Variants in COX10 observed in about 807,000 individuals in gnomAD.
The protein encoded by COX10 is cytochrome c oxidase assembly factor heme A:farnesyltransferase COX10, also known as protoheme IX farnesyltransferase, mitochondrial.
In COX10, 27 loss-of-function variants were observed where a neutral mutation model predicts 37.3. The ratio of observed to expected loss-of-function variants is 0.72; its 90% CI spans 0.53 to 1.00. The LOEUF (loss-of-function observed/expected upper bound fraction) is 1.00, where lower values mean the gene tolerates loss of function less well. Ranked by LOEUF, COX10 falls within the 50% of genes least tolerant of loss-of-function variation. The probability of loss-of-function intolerance (pLI) is 0.00; values close to 1 mark genes in which losing one functional copy is unlikely to be tolerated. For missense variants in COX10, 475 were observed against 563.2 expected, an observed-to-expected ratio of 0.84 and a Z score of 1.59; for synonymous variants, 222 against 229.1, an observed-to-expected ratio of 0.97 and a Z score of 0.28.
At chr17:14,104,528 A>G (rs1186628523) in intron 4 of COX10, among the ~76,000 whole-genome samples, 1 of 152,184 alleles carries the variant, frequency 6.6e-6, no homozygotes, top group Admixed American at 6.6e-5. Context: ...TGTTCAAATT[A>G]AAAATACATA....
In COX10 at chr17:14,074,222, G is replaced by A. The variant is rs924857116; in HGVS notation, c.44-101G>A. ...GCTCTGACCCATCACACAGTGTAGCGCTTACCTTAGTGGCTGGCTTTGCTT... is the reference window on the plus strand; with the variant it reads ...GCTCTGACCCATCACACAGTGTAGCACTTACCTTAGTGGCTGGCTTTGCTT... On this transcript the variant is annotated intron_variant, in intron 1 of 6. Transcript: ENST00000261643. 37 of 1,284,530 alleles carry A rather than the reference G, an allele frequency of 2.9e-5. No individual in the cohort carries two copies. The African/African-American group carries it at 4.2e-4, about 15-fold the overall frequency. 79.6% of individuals were successfully genotyped at this position (1,284,530 alleles called of 1,614,324 possible). A position where few individuals can be genotyped will look rare whatever the true frequency, so the allele number is the denominator to read the frequency against.
At chr17:14,139,970 C>T (rs1904489322) in intron 4 of COX10, among the ~76,000 whole-genome samples, 1 of 152,150 alleles carries the variant, frequency 6.6e-6, no homozygotes, top group African/African-American at 2.4e-5. Context: ...TCTGATAGGG[C>T]TTCTCTTGTA....
Position 14,159,964 on chromosome 17 carries a change from AAGTGTCTTCCAC to A in COX10, c.695+19_695+30del, listed in dbSNP as rs778376135. 6 of 1,602,572 alleles carry A rather than the reference AAGTGTCTTCCAC, an allele frequency of 3.7e-6. No homozygotes were observed. Among genetic ancestry groups the A allele is most frequent in the Non-Finnish European group, 5.1e-6 (6 of 1,171,452 alleles). On this transcript the variant is annotated intron_variant, in intron 5 of 6. Coordinates refer to ENST00000261643, the MANE Select transcript of COX10 (RefSeq NM_001303.4). The stretch of plus-strand genomic sequence containing the variant: ...ACAGATCAGGTAAAATCACGAATAC[AAGTGTCTTCCAC>A]ATTATAAAACATTCATTTGCTTGTT...
chr17:14,184,812 A>G (rs997230426), intron 5 of COX10, among the ~76,000 whole-genome samples: 1 of 151,214 alleles, frequency 6.6e-6, no homozygotes, highest in African/African-American at 2.4e-5. Flanking sequence ...CAGCGTATGT[A>G]GCTTGGCCAG....
At chr17:14,148,979 A>G (rs1452318802) in intron 4 of COX10, among the ~76,000 whole-genome samples, 1 of 148,334 alleles carries the variant, frequency 6.7e-6, no homozygotes, top group African/African-American at 2.4e-5. Flanking sequence ...ATTTTATAAT[A>G]TAAAATGTAT....
At chr17:14,086,529 A>G (rs531354742) in intron 3 of COX10, among the ~76,000 whole-genome samples, 1 of 152,272 alleles carries the variant, frequency 6.6e-6, no homozygotes, top group South Asian at 2.1e-4. Context: ...ATCTTCATTT[A>G]TACAAGTCTT....
intron 4 of COX10, among the ~76,000 whole-genome samples, chr17:14,150,258 T>G (rs1455095850): frequency 6.6e-6 from 1 of 150,430 alleles, no homozygotes; most frequent in Admixed American, 6.6e-5. Flanking sequence ...GGCAACAGAG[T>G]AAAACCCTGT....
chr17:14,133,182 A>G (rs188203241), intron 4 of COX10, among the ~76,000 whole-genome samples: 20 of 151,842 alleles, frequency 1.3e-4, no homozygotes, highest in African/African-American at 4.1e-4. Context: ...AAAATAAGTC[A>G]ACTGTGATTG....
chr17:14,149,242 ATACT>A (rs1904821105), intron 4 of COX10, among the ~76,000 whole-genome samples: 1 of 151,990 alleles, frequency 6.6e-6, no homozygotes, highest in South Asian at 2.1e-4. Context: ...ATTAATATAA[ATACT>A]TACTATGTTT....
intron 6 of COX10, among the ~76,000 whole-genome samples, chr17:14,193,697 G>C (rs921289969): frequency 1.4e-5 from 2 of 147,470 alleles, no homozygotes; most frequent in Non-Finnish European, 1.5e-5. Context: ...CCTTCACAGA[G>C]CACACCTGCA....
intron 5 of COX10, among the ~76,000 whole-genome samples, chr17:14,163,278 C>T (rs1905208706): frequency 1.9e-5 from 2 of 105,684 alleles, no homozygotes; most frequent in South Asian, 6.3e-4. Flanking sequence ...TATTTAGAGA[C>T]AGAGTCTCAC....
At chr17:14,124,919 T>C (rs1460397512) in intron 4 of COX10, among the ~76,000 whole-genome samples, 1 of 152,202 alleles carries the variant, frequency 6.6e-6, no homozygotes, top group Non-Finnish European at 1.5e-5. Flanking sequence ...TTAGAAATCT[T>C]CCCTTTTGTG....
At chr17:14,106,821 T>C (rs1305284230) in intron 4 of COX10, among the ~76,000 whole-genome samples, 1 of 152,198 alleles carries the variant, frequency 6.6e-6, no homozygotes, top group Non-Finnish European at 1.5e-5. Context: ...TGTTTTGCTG[T>C]TGGGCTGCTT....
intron 5 of COX10, among the ~76,000 whole-genome samples, chr17:14,188,038 C>G (rs974008169): frequency 6.6e-6 from 1 of 151,636 alleles, no homozygotes; most frequent in Non-Finnish European, 1.5e-5. Context: ...TTTCGTAACA[C>G]TAATGTCTCT....
rs1469626666 is a variant in COX10, at chr17:14,102,157, C to T, written c.539C>T (p.Ala180Val). The stretch of plus-strand genomic sequence containing the variant: ...ACCACTGCAGCTGGATTTGCATTGG[C>T]TCCGGGCCCTTTTGACTGGCCCTGT... ...VSTTAAGFALAPGPFDWPCFL... is the reference protein window; with the variant it reads ...VSTTAAGFALVPGPFDWPCFL... Residue 180 changes from alanine to valine, a missense_variant, in exon 4 of 7, where the codon GCT (alanine) becomes GTT (valine). Coordinates refer to ENST00000261643, the MANE Select transcript of COX10 (RefSeq NM_001303.4). 4 of 1,613,736 alleles carry T rather than the reference C, an allele frequency of 2.5e-6. No homozygotes were observed. Among genetic ancestry groups the T allele is most frequent in the Non-Finnish European group, 3.4e-6 (4 of 1,179,762 alleles).
At chr17:14,079,885 C>T (rs1011471060) in intron 3 of COX10, among the ~76,000 whole-genome samples, 2 of 151,776 alleles carry the variant, frequency 1.3e-5, no homozygotes, top group African/African-American at 4.8e-5. Context: ...TGTATACACA[C>T]ACACACAGTT....
chr17:14,116,943 C>T (rs1597507081), intron 4 of COX10, among the ~76,000 whole-genome samples: 1 of 152,116 alleles, frequency 6.6e-6, no homozygotes, highest in East Asian at 1.9e-4. Flanking sequence ...ATTGTGCCAC[C>T]CACCCCTAAC....
In COX10 at chr17:14,077,001, G is replaced by C; in HGVS notation, c.444G>C (p.Leu148=). Residue 148 remains leucine (L), a synonymous_variant, in exon 3 of 7, where the codon CTG becomes CTC. Coordinates refer to ENST00000261643, the MANE Select transcript of COX10 (RefSeq NM_001303.4). ...KEEKRWKEMK[L]QVYDLPGILA... Reference sequence around the variant, plus strand: ...AAAAGCGGTGGAAAGAGATGAAGCTGCAAGTGTATGATTTGCCAGGAATTT... The same window carrying C: ...AAAAGCGGTGGAAAGAGATGAAGCTCCAAGTGTATGATTTGCCAGGAATTT... The C allele has an allele frequency of 6.2e-7, 1 of 1,613,878 alleles. No individual in the cohort carries two copies. The highest frequency in any genetic ancestry group is 1.1e-5 in the South Asian group (1 of 91,058).
Position 14,073,584 on chromosome 17 carries a change from G to T in COX10, c.44-739G>T, listed in dbSNP as rs558831774. Among the ~76,000 whole-genome samples, 3 of 152,292 alleles carry T rather than the reference G, an allele frequency of 2.0e-5. No individual in the cohort carries two copies. In the East Asian group the frequency reaches 5.8e-4, roughly 29 times the overall value. On this transcript the variant is annotated intron_variant, in intron 1 of 6. Coordinates refer to ENST00000261643, the MANE Select transcript of COX10 (RefSeq NM_001303.4). ...GCTCAGGGACAATATTTAATGTTCA[G>T]AAAGAGGGAACATGGATACCTTAAG... is the stretch of plus-strand genomic sequence containing the variant.
Sources: allele counts gnomAD v4.1 joint callset (sites outside exome capture counted in the v4.1 genomes callset), GRCh38; gene constraint gnomAD v4.1.1; transcripts MANE v1.5; gene names NCBI Gene and HGNC (gene_info 2026-07-23, HGNC 2026-07-21).